The following LRRTM4 variants were observed in gnomAD, a reference collection of about 807,000 sequenced individuals.
LRRTM4 encodes the protein leucine-rich repeat transmembrane neuronal protein 4.
A neutral mutation model predicts 47.6 loss-of-function variants in LRRTM4; 25 were observed. The ratio of observed to expected loss-of-function variants is 0.53; its 90% CI spans 0.38 to 0.73. The LOEUF (loss-of-function observed/expected upper bound fraction) is 0.73, where lower values mean the gene tolerates loss of function less well. Among genes scored for constraint, LRRTM4 ranks in the 30% least tolerant of loss-of-function variants. The pLI, the probability that LRRTM4 is intolerant of heterozygous loss-of-function variation, is 0.00. For synonymous variants in LRRTM4, 311 were observed against 269.5 expected (o/e 1.15, Z -1.51); for missense variants, 638 against 713.4 (o/e 0.89, Z 1.20).
chr2:77,138,353 A>C lies in LRRTM4; in HGVS notation c.1551+379965T>G, dbSNP rs533922401. On this transcript the variant is annotated intron_variant, in intron 3 of 3. Coordinates refer to ENST00000409884, the MANE Select transcript of LRRTM4 (RefSeq NM_001134745.3). ...CCACTCAACTACATGGAAACAGAAAAACCTGCTCCTGAATGACTACTGGGT... is the reference window on the plus strand; with the variant it reads ...CCACTCAACTACATGGAAACAGAAACACCTGCTCCTGAATGACTACTGGGT... 2.6e-5 allele frequency among the ~76,000 whole-genome samples: 4 copies of C among 152,284 alleles called. No individual in the cohort carries two copies. In the South Asian group the frequency reaches 8.3e-4, roughly 32 times the overall value.
At chr2:77,168,779 A>G (rs186600099) in intron 3 of LRRTM4, among the ~76,000 whole-genome samples, 1 of 152,178 alleles carries the variant, frequency 6.6e-6, no homozygotes, top group African/African-American at 2.4e-5. Flanking sequence ...CCCACGTATG[A>G]ATGAGAACAT....
chr2:77,428,467 T>A lies in LRRTM4; in HGVS notation c.1551+89851A>T, dbSNP rs1361996229. ...ATTTCACTTTGGCCTGGCAAAACTT[T>A]CATCAGGAGACTGGCCCTGTTCCAT... On this transcript the variant is annotated intron_variant, in intron 3 of 3. Coordinates refer to ENST00000409884, the MANE Select transcript of LRRTM4 (RefSeq NM_001134745.3). Among the ~76,000 whole-genome samples the A allele has an allele frequency of 4.6e-5, 7 of 152,348 alleles. 1 individual carries two copies. In the South Asian group the frequency reaches 1.4e-3, roughly 32 times the overall value.
chr2:77,358,834 T>G (rs1427843593), intron 3 of LRRTM4, among the ~76,000 whole-genome samples: 1 of 152,162 alleles, frequency 6.6e-6, no homozygotes, highest in African/African-American at 2.4e-5. Flanking sequence ...AGTACATACT[T>G]TATATTAGGG....
At chr2:77,314,933 G>A (rs555790563) in intron 3 of LRRTM4, among the ~76,000 whole-genome samples, 10 of 152,212 alleles carry the variant, frequency 6.6e-5, no homozygotes, top group East Asian at 3.9e-4. Flanking sequence ...TCTCTGCAGC[G>A]TACTATGCTG....
chr2:76,766,016 T>A (rs764522748), intron 3 of LRRTM4, among the ~76,000 whole-genome samples: 2 of 152,164 alleles, frequency 1.3e-5, no homozygotes, highest in Admixed American at 1.3e-4. Flanking sequence ...TTTATCTAAT[T>A]TATAGACTCT....
chr2:76,985,056 T>A (rs1043320563), intron 3 of LRRTM4, among the ~76,000 whole-genome samples: 1 of 152,032 alleles, frequency 6.6e-6, no homozygotes, highest in Non-Finnish European at 1.5e-5. Flanking sequence ...TTTCTTTGTA[T>A]GAGTGGGTCT....
chr2:77,135,369 T>C (rs1671907424), intron 3 of LRRTM4, among the ~76,000 whole-genome samples: 1 of 152,214 alleles, frequency 6.6e-6, no homozygotes, highest in Non-Finnish European at 1.5e-5. Flanking sequence ...TCTGTTTTCA[T>C]CATAACCAGG....
chr2:76,881,368 C>T (rs182086151), intron 3 of LRRTM4, among the ~76,000 whole-genome samples: 12 of 151,452 alleles, frequency 7.9e-5, no homozygotes, highest in East Asian at 3.9e-4. Context: ...TTCTTTTTAA[C>T]GTGGTATTTT....
At chr2:77,299,278 C>A (rs290049) in intron 3 of LRRTM4, among the ~76,000 whole-genome samples, 23,139 of 150,070 alleles carry the variant, frequency 0.15, 3,487 homozygotes, top group African/African-American at 0.39. Flanking sequence ...CACACACACA[C>A]ACACACACAC....
At chr2:76,773,649 C>T (rs899804529) in intron 3 of LRRTM4, among the ~76,000 whole-genome samples, 3 of 151,374 alleles carry the variant, frequency 2.0e-5, no homozygotes, top group Non-Finnish European at 4.4e-5. Context: ...TTAAAATTCC[C>T]CTTAAATTAA....
chr2:77,506,948 A>G (rs573234464), intron 3 of LRRTM4, among the ~76,000 whole-genome samples: 28 of 152,210 alleles, frequency 1.8e-4, no homozygotes, highest in Admixed American at 1.0e-3. Flanking sequence ...ACAGTTTCTA[A>G]TATGAAATTA....
intron 3 of LRRTM4, among the ~76,000 whole-genome samples, chr2:77,092,927 G>C (rs1298836717): frequency 1.4e-5 from 2 of 147,230 alleles, no homozygotes; most frequent in Non-Finnish European, 2.9e-5. Flanking sequence ...ACCAAGCTCA[G>C]CCACCAACTT....
At chr2:77,506,664 T>A (rs547296286) in intron 3 of LRRTM4, among the ~76,000 whole-genome samples, 63 of 152,030 alleles carry the variant, frequency 4.1e-4, no homozygotes, top group Non-Finnish European at 8.1e-4. Context: ...TATATATTTT[T>A]GAGAGAGCAA....
intron 3 of LRRTM4, among the ~76,000 whole-genome samples, chr2:76,929,648 G>C (rs185855248): frequency 3.3e-5 from 5 of 152,202 alleles, no homozygotes; most frequent in Admixed American, 3.3e-4. Context: ...AGTTAAACAA[G>C]TGAAGTCCAG....
chr2:77,111,531 T>C (rs974995156), intron 3 of LRRTM4, among the ~76,000 whole-genome samples: 1 of 152,052 alleles, frequency 6.6e-6, no homozygotes, highest in African/African-American at 2.4e-5. Context: ...AACAGTTCAT[T>C]AGTTTTAAAT....
chr2:76,853,221 T>C (rs575913064), intron 3 of LRRTM4, among the ~76,000 whole-genome samples: 3 of 152,248 alleles, frequency 2.0e-5, no homozygotes, highest in South Asian at 2.1e-4. Flanking sequence ...GGAGGGGCTA[T>C]TGTCGCTATC....
chr2:76,760,164 G>T (rs1673200969), intron 3 of LRRTM4, among the ~76,000 whole-genome samples: 1 of 151,982 alleles, frequency 6.6e-6, no homozygotes, highest in African/African-American at 2.4e-5. Context: ...CTTTCTGTAC[G>T]ATCTCCCACC....
chr2:77,442,395 T>C (rs1250560352), intron 3 of LRRTM4, among the ~76,000 whole-genome samples: 1 of 152,170 alleles, frequency 6.6e-6, no homozygotes, highest in Non-Finnish European at 1.5e-5. Flanking sequence ...TCCTAAAATG[T>C]AGTAGTTCAT....
chr2:77,519,513 T>A lies in LRRTM4; in HGVS notation c.356A>T (p.Asn119Ile). Residue 119 changes from asparagine to isoleucine, a missense_variant, in exon 3 of 4, where the codon AAC (asparagine) becomes ATC (isoleucine). Transcript: ENST00000409884. The surrounding 1 kb of genome is among the most constrained non-coding windows in gnomAD (Gnocchi z 4.6). ...RRLKELILSSNKITYLHNKTF... is the reference protein window; with the variant it reads ...RRLKELILSSIKITYLHNKTF... Reference sequence around the variant, plus strand: ...TTTATTGTGCAGATAAGTAATTTTGTTGGAGCTTAGAATTAATTCTTTCAG... The same window carrying A: ...TTTATTGTGCAGATAAGTAATTTTGATGGAGCTTAGAATTAATTCTTTCAG... 6.2e-7 allele frequency: 1 copy of A among 1,613,446 alleles called. No individual in the cohort carries two copies. The highest frequency in any genetic ancestry group is 8.5e-7 in the Non-Finnish European group (1 of 1,179,632).
Sources: gnomAD v4.1 joint callset for allele counts (sites outside exome capture counted in the v4.1 genomes callset) on GRCh38, gnomAD v4.1.1 for gene constraint, Gnocchi (gnomAD v3.1) non-coding constraint, MANE v1.5 for transcripts, NCBI Gene and HGNC (gene_info 2026-07-23, HGNC 2026-07-21) for gene names.